Variants in IFT57 observed in about 807,000 individuals in gnomAD.
The protein encoded by IFT57 is intraflagellar transport 57.
IFT57 carries 59 observed loss-of-function variants against 56.8 expected under a neutral mutation model. The ratio of observed to expected loss-of-function variants is 1.04; its 90% CI spans 0.84 to 1.29. The LOEUF (loss-of-function observed/expected upper bound fraction) is 1.29. Ranked by LOEUF, IFT57 falls within the 50% of genes most tolerant of loss-of-function variation. IFT57 has a pLI of 0.00. For synonymous variants in IFT57, 209 were observed against 186.1 expected (o/e 1.12, Z -1.00); for missense variants, 470 against 522.1 (o/e 0.90, Z 0.97).
At chr3:108,163,516 T>C in intron 10 of IFT57, 147 bp downstream of exon 10, 1 of 591,102 alleles carries the variant, frequency 1.7e-6, no homozygotes, top group South Asian at 2.3e-5. Context: ...AGTACGCTGA[T>C]TATCAGACAT....
intron 4 of IFT57, among the ~76,000 whole-genome samples, chr3:108,209,916 A>ATGTATGTG (rs1553742713): frequency 1.3e-5 from 2 of 149,824 alleles, no homozygotes; most frequent in East Asian, 3.9e-4. Flanking sequence ...CTTTTTCTAT[A>ATGTATGTG]TGTGTGTGTG....
rs1193972848 is a variant in IFT57, at chr3:108,219,529, T to C, written c.256A>G (p.Met86Val). The C allele has an allele frequency of 6.2e-7, 1 of 1,613,930 alleles. No homozygotes were observed. Residue 86 changes from methionine to valine, a missense_variant, in exon 2 of 11, where the codon ATG becomes GTG. Physicochemically the swap from Met to Val is conservative, Grantham distance 21 (BLOSUM62 1). Transcript: ENST00000264538. ...LPTNPGEQFYMFCTLAAWLIN... is the reference protein window; with the variant it reads ...LPTNPGEQFYVFCTLAAWLIN... ...AACCAAGCAGCAAGAGTACAAAACATGTAGAACTGTTCGCCAGGGTTGGTA... is the reference window on the plus strand; with the variant it reads ...AACCAAGCAGCAAGAGTACAAAACACGTAGAACTGTTCGCCAGGGTTGGTA...
At chr3:108,173,889 A>G (rs956736663) in intron 6 of IFT57, among the ~76,000 whole-genome samples, 25 of 150,972 alleles carry the variant, frequency 1.7e-4, no homozygotes, top group Middle Eastern at 3.4e-3. Flanking sequence ...TTTAATGAAC[A>G]GCAAACATGC....
intron 7 of IFT57, chr3:108,167,224 C>A: frequency 2.4e-6 from 1 of 408,376 alleles, no homozygotes; most frequent in East Asian, 4.6e-5. Context: ...TGTCATTATA[C>A]ATACCATAAA....
chr3:108,163,807 G>A, intron 9 of IFT57, 78 bp from the exon 10 acceptor site: 1 of 828,868 alleles, frequency 1.2e-6, no homozygotes. Context: ...TTAAGAAAAT[G>A]TAATTTAGAT....
intron 4 of IFT57, 162 bp downstream of exon 4, chr3:108,213,769 C>T: frequency 3.8e-6 from 2 of 531,884 alleles, no homozygotes; most frequent in South Asian, 3.3e-5. Flanking sequence ...TTAACTTAAC[C>T]AAAGGTCTAA....
At chr3:108,203,057 G>C (rs975236527) in intron 5 of IFT57, among the ~76,000 whole-genome samples, 3 of 152,340 alleles carry the variant, frequency 2.0e-5, no homozygotes, top group Admixed American at 6.5e-5. Context: ...GGAAGATCTT[G>C]CTGCTGAGCT....
At chr3:108,192,940 GAA>G (rs34721656) in intron 5 of IFT57, among the ~76,000 whole-genome samples, 2 of 151,536 alleles carry the variant, frequency 1.3e-5, no homozygotes, top group Admixed American at 6.6e-5. Flanking sequence ...ATGAGGCAAA[GAA>G]AAAAAGGGAG....
At chr3:108,189,851 T>C (rs1478951696) in intron 6 of IFT57, among the ~76,000 whole-genome samples, 2 of 152,200 alleles carry the variant, frequency 1.3e-5, no homozygotes, top group Non-Finnish European at 2.9e-5. Context: ...ATATGTATTA[T>C]ATACTGCATT....
intron 6 of IFT57, 40 bp downstream of exon 6, chr3:108,191,480 CT>C (rs60290956): frequency 0.18 from 190,244 of 1,059,290 alleles, 1 homozygote; most frequent in South Asian, 0.22. Context: ...TTCCTTATAA[CT>C]TTTTTTTTTT....
intron 4 of IFT57, among the ~76,000 whole-genome samples, chr3:108,207,144 C>T (rs2080318173): frequency 6.6e-6 from 1 of 152,136 alleles, no homozygotes; most frequent in Non-Finnish European, 1.5e-5. Context: ...TCTGACCAAT[C>T]ACATTGATAC....
At chr3:108,211,484 C>T (rs899397880) in intron 4 of IFT57, among the ~76,000 whole-genome samples, 7 of 152,170 alleles carry the variant, frequency 4.6e-5, no homozygotes, top group Non-Finnish European at 1.0e-4. Context: ...GAGCTCTGGC[C>T]CCAGTAGTTT....
chr3:108,165,352 G>A, intron 9 of IFT57, 79 bp downstream of exon 9: 1 of 1,092,106 alleles, frequency 9.2e-7, no homozygotes, highest in Non-Finnish European at 1.4e-6. Flanking sequence ...GAAATTAGCA[G>A]TGTTAAACCA....
intron 6 of IFT57, among the ~76,000 whole-genome samples, chr3:108,190,835 C>G (rs1214867299): frequency 2.6e-5 from 4 of 152,144 alleles, no homozygotes; most frequent in Non-Finnish European, 5.9e-5. Context: ...CTCTGTCATC[C>G]AGGCTGGAGT....
chr3:108,174,875 G>A (rs932760643), intron 6 of IFT57, among the ~76,000 whole-genome samples: 4 of 151,784 alleles, frequency 2.6e-5, no homozygotes, highest in African/African-American at 9.7e-5. Flanking sequence ...CAGCAGATAT[G>A]TATTGTATGT....
At chr3:108,171,914 TGCCTGTTTCTCTCC>T (rs1166946824) in intron 6 of IFT57, among the ~76,000 whole-genome samples, 38 of 151,704 alleles carry the variant, frequency 2.5e-4, no homozygotes, top group African/African-American at 8.9e-4. Flanking sequence ...TGTTTCTCTT[TGCCTGTTTCTCTCC>T]ATATATATGT....
chr3:108,207,752 T>C (rs539746449), intron 4 of IFT57, among the ~76,000 whole-genome samples: 2 of 152,086 alleles, frequency 1.3e-5, no homozygotes, highest in South Asian at 4.1e-4. Context: ...CCTCAGAAAC[T>C]ATGGGGGTTG....
chr3:108,205,297 A>T (rs557163904), intron 5 of IFT57, among the ~76,000 whole-genome samples: 1 of 152,078 alleles, frequency 6.6e-6, no homozygotes, highest in East Asian at 1.9e-4. Context: ...GGTAAAGGTA[A>T]TATTTTTATC....
intron 6 of IFT57, among the ~76,000 whole-genome samples, chr3:108,171,541 A>G (rs934522276): frequency 6.6e-6 from 1 of 151,764 alleles, no homozygotes; most frequent in African/African-American, 2.4e-5. Context: ...CTTAACAATC[A>G]TCTAGTGTAA....
Sources: allele counts gnomAD v4.1 joint callset (sites outside exome capture counted in the v4.1 genomes callset), GRCh38; gene constraint gnomAD v4.1.1; transcripts MANE v1.5; gene names NCBI Gene and HGNC (gene_info 2026-07-23, HGNC 2026-07-21).